Variants in PELI2 observed in about 807,000 individuals in gnomAD.
PELI2 encodes the protein E3 ubiquitin-protein ligase pellino homolog 2.
A neutral mutation model predicts 42.3 loss-of-function variants in PELI2; 23 were observed. That is an observed-to-expected ratio of 0.54 (90% CI 0.39 to 0.77). PELI2 has a LOEUF of 0.77. Among genes scored for constraint, PELI2 ranks in the 30% least tolerant of loss-of-function variants. PELI2 has a pLI of 0.00. For missense variants in PELI2, 463 were observed against 553.2 expected, an observed-to-expected ratio of 0.84 and a Z score of 1.64; for synonymous variants, 245 against 212.2, an observed-to-expected ratio of 1.15 and a Z score of -1.34.
chr14:56,131,506 C>T (rs1883480718), intron 1 of PELI2, among the ~76,000 whole-genome samples: 1 of 152,220 alleles, frequency 6.6e-6, no homozygotes, highest in African/African-American at 2.4e-5. Flanking sequence ...AACCAGAGAC[C>T]TGGAAGCACT....
chr14:56,130,024 A>T (rs1883426808), intron 1 of PELI2, among the ~76,000 whole-genome samples: 1 of 151,802 alleles, frequency 6.6e-6, no homozygotes, highest in Non-Finnish European at 1.5e-5. Flanking sequence ...ACCTGCAGTT[A>T]AAAATGATCC....
intron 1 of PELI2, among the ~76,000 whole-genome samples, chr14:56,159,899 G>A (rs1373070487): frequency 6.6e-6 from 1 of 151,944 alleles, no homozygotes; most frequent in African/African-American, 2.4e-5. Context: ...AAAACATCTT[G>A]TATGATTCAA....
Position 56,299,893 on chromosome 14 carries a change from G to T in PELI2, c.*2727G>T. ...GAAATATTTTTCAGTTGTTTATGTCGTTTACTACAAAAAAAAAGATTCAGA... is the reference window on the plus strand; with the variant it reads ...GAAATATTTTTCAGTTGTTTATGTCTTTTACTACAAAAAAAAAGATTCAGA... On this transcript the variant is annotated 3_prime_UTR_variant, in exon 6 of 6. Coordinates refer to ENST00000267460, the MANE Select transcript of PELI2 (RefSeq NM_021255.3). The T allele has an allele frequency of 6.7e-6, 1 of 149,936 alleles. No homozygotes were observed. The highest frequency in any genetic ancestry group is 2.1e-4 in the South Asian group (1 of 4,724). The allele number at this position is 149,936 out of a possible 1,614,324, so 9.3% of individuals were successfully genotyped here.
intron 2 of PELI2, among the ~76,000 whole-genome samples, chr14:56,233,641 C>A (rs1342208630): frequency 6.6e-6 from 1 of 152,104 alleles, no homozygotes; most frequent in Non-Finnish European, 1.5e-5. Context: ...AGACCTAAAA[C>A]CATAAAAACC....
intron 1 of PELI2, among the ~76,000 whole-genome samples, chr14:56,169,619 T>C (rs1256921594): frequency 6.6e-6 from 1 of 152,216 alleles, no homozygotes; most frequent in African/African-American, 2.4e-5. Flanking sequence ...TTCTAGAGCC[T>C]CTTTCAGTGA....
At chr14:56,269,157 T>G (rs930402673) in intron 2 of PELI2, among the ~76,000 whole-genome samples, 1 of 152,130 alleles carries the variant, frequency 6.6e-6, no homozygotes. Flanking sequence ...AAGAATTGAT[T>G]GGGTTAGGTG....
chr14:56,185,824 G>A (rs990499129), intron 2 of PELI2, among the ~76,000 whole-genome samples: 2 of 152,068 alleles, frequency 1.3e-5, no homozygotes, highest in African/African-American at 4.8e-5. Flanking sequence ...CTGCTTTGCT[G>A]TGTGGTCTGG....
chr14:56,258,784 G>T (rs1888610783), intron 2 of PELI2, among the ~76,000 whole-genome samples: 1 of 152,096 alleles, frequency 6.6e-6, no homozygotes, highest in Non-Finnish European at 1.5e-5. Context: ...AAGATAAGTG[G>T]AGGTAAAGGT....
chr14:56,162,199 A>T (rs1047895144), intron 1 of PELI2, among the ~76,000 whole-genome samples: 2 of 152,184 alleles, frequency 1.3e-5, no homozygotes, highest in Non-Finnish European at 1.5e-5. Context: ...GTGCTATTAA[A>T]TAGTAGGTCT....
intron 1 of PELI2, among the ~76,000 whole-genome samples, chr14:56,133,179 G>A (rs746721922): frequency 6.6e-6 from 1 of 151,734 alleles, no homozygotes; most frequent in Non-Finnish European, 1.5e-5. Context: ...TAATATATGT[G>A]CTTCTTTTTA....
At chr14:56,232,246 C>T (rs879141300) in intron 2 of PELI2, among the ~76,000 whole-genome samples, 1 of 152,146 alleles carries the variant, frequency 6.6e-6, no homozygotes, top group African/African-American at 2.4e-5. Flanking sequence ...GGAATCCTCC[C>T]TAACTCATTT....
chr14:56,155,007 C>T (rs1211114903), intron 1 of PELI2, among the ~76,000 whole-genome samples: 1 of 152,008 alleles, frequency 6.6e-6, no homozygotes, highest in East Asian at 1.9e-4. Context: ...GTTTGTTAGC[C>T]ATTGTTATAT....
chr14:56,158,096 C>T (rs544354862), intron 1 of PELI2, among the ~76,000 whole-genome samples: 74 of 152,226 alleles, frequency 4.9e-4, no homozygotes, highest in African/African-American at 1.4e-3. Flanking sequence ...GGTGCAATCT[C>T]GGCTCACTGC....
At chr14:56,293,799 A>G (rs1278392154) in intron 5 of PELI2, among the ~76,000 whole-genome samples, 1 of 152,170 alleles carries the variant, frequency 6.6e-6, no homozygotes, top group African/African-American at 2.4e-5. Context: ...ATAAAAAACC[A>G]TACACCCCAG....
chr14:56,269,645 A>G (rs1451029602), intron 2 of PELI2, among the ~76,000 whole-genome samples: 1 of 152,174 alleles, frequency 6.6e-6, no homozygotes, highest in Non-Finnish European at 1.5e-5. Flanking sequence ...ACAGGTGACA[A>G]AACTGAGGCC....
rs1163102526 is a variant in PELI2 at position 56,197,615 on chromosome 14, A to G, written c.207+19151A>G. On this transcript the variant is annotated intron_variant, in intron 2 of 5. Transcript: ENST00000267460. This position sits in a 1 kb window ranked among gnomAD's most constrained non-coding sequence, Gnocchi z 4.9. ...AGTGGCTTAGACTAGTGTAATGGTTAATTGTATGTGTTAACTTGGCTGGGC... is the reference window on the plus strand; with the variant it reads ...AGTGGCTTAGACTAGTGTAATGGTTGATTGTATGTGTTAACTTGGCTGGGC... 6.6e-6 allele frequency among the ~76,000 whole-genome samples: 1 copy of G among 152,174 alleles called. No individual in the cohort carries two copies. Among genetic ancestry groups the G allele is most frequent in the Non-Finnish European group, 1.5e-5 (1 of 68,034 alleles).
At chr14:56,252,593 G>A (rs1288346035) in intron 2 of PELI2, among the ~76,000 whole-genome samples, 1 of 152,172 alleles carries the variant, frequency 6.6e-6, no homozygotes, top group Non-Finnish European at 1.5e-5. Flanking sequence ...AGGAAGTTTA[G>A]TAGTGGAAAG....
rs1889339363 is a variant in PELI2 at position 56,277,597 on chromosome 14, A to C, written c.208-2079A>C. ...CCAAACCATCCCCCTGATCCAGTCCATGGAAAAATTGTCTTCCACAAAACC... is the reference window on the plus strand; with the variant it reads ...CCAAACCATCCCCCTGATCCAGTCCCTGGAAAAATTGTCTTCCACAAAACC... On this transcript the variant is annotated intron_variant, in intron 2 of 5. Coordinates refer to ENST00000267460, the MANE Select transcript of PELI2 (RefSeq NM_021255.3). Among the ~76,000 whole-genome samples, 3 of 152,074 alleles carry C rather than the reference A, an allele frequency of 2.0e-5. No homozygotes were observed. The South Asian group carries it at 6.2e-4, about 32-fold the overall frequency.
intron 3 of PELI2, among the ~76,000 whole-genome samples, chr14:56,280,594 G>A (rs1018501236): frequency 6.6e-6 from 1 of 151,896 alleles, no homozygotes; most frequent in African/African-American, 2.4e-5. Flanking sequence ...CATCAAAAGA[G>A]TATGATAGAT....
Sources: gnomAD v4.1 joint callset for allele counts (sites outside exome capture counted in the v4.1 genomes callset) on GRCh38, gnomAD v4.1.1 for gene constraint, Gnocchi (gnomAD v3.1) non-coding constraint, MANE v1.5 for transcripts, NCBI Gene and HGNC (gene_info 2026-07-23, HGNC 2026-07-21) for gene names.